The following CNTNAP5 variants were observed in gnomAD, a reference collection of about 807,000 sequenced individuals.
The protein encoded by CNTNAP5 is contactin associated protein family member 5.
Under a neutral mutation model 150.2 loss-of-function variants are expected in CNTNAP5, and 72 were observed. The ratio of observed to expected loss-of-function variants is 0.48; its 90% confidence interval spans 0.40 to 0.58. The LOEUF is 0.58. Ranked by LOEUF, CNTNAP5 falls within the 20% of genes least tolerant of loss-of-function variation. CNTNAP5 has a pLI of 0.00. For missense variants in CNTNAP5, 1,636 were observed against 1,626.2 expected (o/e 1.01, Z -0.10); for synonymous variants, 672 against 619.8 (o/e 1.08, Z -1.25).
At chr2:124,366,817 C>A (rs754439834) in intron 3 of CNTNAP5, among the ~76,000 whole-genome samples, 1 of 152,046 alleles carries the variant, frequency 6.6e-6, no homozygotes, top group Non-Finnish European at 1.5e-5. Context: ...ATCCCAGCCT[C>A]GCTCCTACAC....
At position 124,387,538 on chromosome 2, in the gene CNTNAP5, C is replaced by T. The variant is rs1407062716; in HGVS notation, c.382-29905C>T. On this transcript the variant is annotated intron_variant, in intron 3 of 23. Coordinates refer to ENST00000682447, the MANE Select transcript of CNTNAP5 (RefSeq NM_001367498.1). ...CGGTGAAGTTAAGAGCAATGTTTTG[C>T]GGGCAGGGTGGATCTCACAAAGTAC... is the stretch of plus-strand genomic sequence containing the variant. 4.0e-5 allele frequency among the ~76,000 whole-genome samples: 6 copies of T among 151,742 alleles called. 1 individual carries two copies. The highest frequency in any genetic ancestry group is 2.1e-4 in the South Asian group (1 of 4,796).
chr2:124,719,889 T>C (rs1680016699), intron 13 of CNTNAP5, among the ~76,000 whole-genome samples: 1 of 152,208 alleles, frequency 6.6e-6, no homozygotes, highest in South Asian at 2.1e-4. Context: ...GATTGGTCTT[T>C]GAAGCAAGGG....
chr2:124,563,168 G>A, intron 10 of CNTNAP5, 49 bp from the exon 11 acceptor site: 1 of 1,280,364 alleles, frequency 7.8e-7, no homozygotes, highest in Non-Finnish European at 1.1e-6. Flanking sequence ...TCCCCTTTCT[G>A]CCAAATGATT....
At chr2:124,448,269 A>AAATAATAATAATAATAAT (rs869148616) in intron 6 of CNTNAP5, among the ~76,000 whole-genome samples, 71 of 144,280 alleles carry the variant, frequency 4.9e-4, no homozygotes, top group East Asian at 2.6e-3. Context: ...CTCCGTCTTA[A>AAATAATAATAATAATAAT]AATAATAATA....
intron 3 of CNTNAP5, among the ~76,000 whole-genome samples, chr2:124,335,148 G>A (rs568859803): frequency 6.6e-6 from 1 of 152,232 alleles, no homozygotes; most frequent in East Asian, 1.9e-4. Flanking sequence ...AAAATATGGG[G>A]TGCTGCTAGT....
intron 18 of CNTNAP5, among the ~76,000 whole-genome samples, chr2:124,791,867 C>G (rs573658452): frequency 6.6e-6 from 1 of 152,114 alleles, no homozygotes; most frequent in East Asian, 1.9e-4. Flanking sequence ...TTTTCATATG[C>G]TTCGTATTTT....
At chr2:124,723,823 G>A (rs138250575) in intron 13 of CNTNAP5, among the ~76,000 whole-genome samples, 93 of 152,152 alleles carry the variant, frequency 6.1e-4, no homozygotes, top group Middle Eastern at 6.8e-3. Context: ...CCCAAACAGC[G>A]TCATTTTAGC....
At chr2:124,278,641 C>G (rs1414683710) in intron 3 of CNTNAP5, among the ~76,000 whole-genome samples, 2 of 152,144 alleles carry the variant, frequency 1.3e-5, no homozygotes, top group Non-Finnish European at 2.9e-5. Flanking sequence ...TCATCAAACC[C>G]AATCTGCTCA....
chr2:124,618,899 G>T (rs772906956), intron 12 of CNTNAP5, among the ~76,000 whole-genome samples: 5 of 152,086 alleles, frequency 3.3e-5, no homozygotes, highest in Non-Finnish European at 7.4e-5. Flanking sequence ...AACAAGAAAA[G>T]ACCACTCTTT....
At chr2:124,789,237 G>A (rs888958652) in intron 17 of CNTNAP5, among the ~76,000 whole-genome samples, 10 of 152,164 alleles carry the variant, frequency 6.6e-5, no homozygotes, top group Non-Finnish European at 1.0e-4. Context: ...AAAGTGTGCT[G>A]TGGACTGTGT....
At chr2:124,036,424 T>G (rs1681221215) in intron 1 of CNTNAP5, among the ~76,000 whole-genome samples, 1 of 152,184 alleles carries the variant, frequency 6.6e-6, no homozygotes, top group East Asian at 1.9e-4. Context: ...TGCTCGCCCC[T>G]GTTACGGTCA....
At chr2:124,745,050 AAG>A (rs1680576429) in intron 13 of CNTNAP5, among the ~76,000 whole-genome samples, 2 of 152,174 alleles carry the variant, frequency 1.3e-5, no homozygotes, top group Non-Finnish European at 2.9e-5. Context: ...GGGAGGCACT[AAG>A]AGGCCAAAGC....
chr2:124,135,925 G>T (rs1683962247), intron 1 of CNTNAP5, among the ~76,000 whole-genome samples: 1 of 152,144 alleles, frequency 6.6e-6, no homozygotes, highest in African/African-American at 2.4e-5. Context: ...TTGATGGCCT[G>T]CTTTTTTCAT....
intron 1 of CNTNAP5, among the ~76,000 whole-genome samples, chr2:124,142,395 G>A (rs1293336988): frequency 3.3e-5 from 5 of 151,784 alleles, no homozygotes; most frequent in Middle Eastern, 3.4e-3. Flanking sequence ...TGGAAGTAAA[G>A]CTCTCCTCAG....
At chr2:124,179,235 C>T (rs907105205) in intron 1 of CNTNAP5, among the ~76,000 whole-genome samples, 1 of 152,078 alleles carries the variant, frequency 6.6e-6, no homozygotes, top group African/African-American at 2.4e-5. Context: ...TCTCAGCTCC[C>T]TGCAACTTCT....
intron 3 of CNTNAP5, among the ~76,000 whole-genome samples, chr2:124,343,643 T>A (rs1689669859): frequency 6.6e-6 from 1 of 152,174 alleles, no homozygotes; most frequent in Non-Finnish European, 1.5e-5. Context: ...TACTCTTTGG[T>A]AAAGAGGAGA....
rs1260135450 is a variant in CNTNAP5, at chr2:124,392,680, T to C, written c.382-24763T>C. Among the ~76,000 whole-genome samples, 4 of 134,400 alleles carry C rather than the reference T, an allele frequency of 3.0e-5. No homozygotes were observed. The East Asian group carries it at 8.7e-4, about 29-fold the overall frequency. 88.2% of individuals were successfully genotyped at this position (134,400 alleles called of 152,430 possible). A position where few individuals can be genotyped will look rare whatever the true frequency, so the allele number is the denominator to read the frequency against. On this transcript the variant is annotated intron_variant, in intron 3 of 23. Coordinates refer to ENST00000682447, the MANE Select transcript of CNTNAP5 (RefSeq NM_001367498.1). ...TGGTTTTTGATTTGCATTTTGTTTT[T>C]CTTTGCCAAAAAAAAAAAAAAAAAA... is the stretch of plus-strand genomic sequence containing the variant.
intron 3 of CNTNAP5, among the ~76,000 whole-genome samples, chr2:124,297,815 TATTATTATTATTATTA>T (rs1688476872): frequency 1.5e-4 from 12 of 78,148 alleles, no homozygotes; most frequent in Admixed American, 2.9e-4. Flanking sequence ...AATTATTTAT[TATTATTATTATTATTA>T]TTATTATTAT....
At chr2:124,468,397 G>A (rs1296464338) in intron 6 of CNTNAP5, among the ~76,000 whole-genome samples, 3 of 152,088 alleles carry the variant, frequency 2.0e-5, no homozygotes, top group Non-Finnish European at 2.9e-5. Context: ...CAAAGCCAAA[G>A]TCCTCAGAGT....
Sources: allele counts gnomAD v4.1 joint callset (sites outside exome capture counted in the v4.1 genomes callset), GRCh38; gene constraint gnomAD v4.1.1; transcripts MANE v1.5; gene names NCBI Gene and HGNC (gene_info 2026-07-23, HGNC 2026-07-21).